The following CCDC171 variants were observed in gnomAD, a reference collection of about 807,000 sequenced individuals.
The protein encoded by CCDC171 is coiled-coil domain containing 171.
In CCDC171, 177 loss-of-function variants were observed where a neutral mutation model predicts 168.2. The ratio of observed to expected loss-of-function variants is 1.05; its 90% confidence interval spans 0.93 to 1.19. CCDC171 has a LOEUF of 1.19. CCDC171 is among the 50% of genes most tolerant of loss of function. CCDC171 has a pLI of 0.00. For missense variants in CCDC171, 1,991 were observed against 1,539.0 expected, an observed-to-expected ratio of 1.29 and a Z score of -4.91; for synonymous variants, 687 against 540.8, an observed-to-expected ratio of 1.27 and a Z score of -3.75.
Position 16,036,511 on chromosome 9 carries a change from G to A in CCDC171, n.1181+305G>A, listed in dbSNP as rs549069864. On this transcript the variant is annotated intron_variant and non_coding_transcript_variant, in intron 8 of 9. Coordinates refer to the CCDC171 transcript ENST00000486641. ...TACAAAAAATTAGCTGGGCGTGGTG[G>A]CAGGTGCCTGTAGTCCCAGCTACTC... 7.9e-5 allele frequency among the ~76,000 whole-genome samples: 12 copies of A among 152,348 alleles called. No individual in the cohort carries two copies. The South Asian group carries it at 2.3e-3, about 29-fold the overall frequency.
intron 24 of CCDC171, among the ~76,000 whole-genome samples, chr9:15,881,589 A>G (rs1231470526): frequency 6.6e-6 from 1 of 152,156 alleles, no homozygotes; most frequent in Non-Finnish European, 1.5e-5. Context: ...CACACCATAT[A>G]TTTGTACCCA....
intron 21 of CCDC171, among the ~76,000 whole-genome samples, chr9:15,798,071 A>G (rs985417945): frequency 6.6e-6 from 1 of 152,048 alleles, no homozygotes; most frequent in Non-Finnish European, 1.5e-5. Flanking sequence ...TGGAATTCAT[A>G]TTTTTAAGGT....
At chr9:15,641,184 A>G (rs2046575083) in intron 7 of CCDC171, among the ~76,000 whole-genome samples, 1 of 152,184 alleles carries the variant, frequency 6.6e-6, no homozygotes, top group African/African-American at 2.4e-5. Context: ...TTTTCTATTT[A>G]TACAAGTTAT....
At chr9:15,841,357 G>T (rs975431836) in intron 21 of CCDC171, among the ~76,000 whole-genome samples, 1 of 151,940 alleles carries the variant, frequency 6.6e-6, no homozygotes, top group African/African-American at 2.4e-5. Flanking sequence ...CTGTAATGAC[G>T]TTACATGTAG....
chr9:15,687,961 A>G (rs980288414), intron 10 of CCDC171, among the ~76,000 whole-genome samples: 16 of 152,090 alleles, frequency 1.1e-4, no homozygotes, highest in Admixed American at 1.0e-3. Context: ...TGTACTGAAA[A>G]TACAAAAATT....
rs546499255 is a variant in CCDC171 at position 15,749,674 on chromosome 9, T to A, written c.2671+4043T>A. ...GAACTCAGGATTAAGAAACTCACTC[T>A]AAACCGCTCAACTACATGGAAACTG... is the stretch of plus-strand genomic sequence containing the variant. On this transcript the variant is annotated intron_variant, in intron 18 of 25. Transcript: ENST00000380701. Among the ~76,000 whole-genome samples the A allele has an allele frequency of 3.2e-4, 48 of 152,210 alleles. 1 individual carries two copies. The South Asian group carries it at 6.8e-3, about 22-fold the overall frequency.
chr9:15,820,536 A>G lies in CCDC171; in HGVS notation c.3268-26166A>G. Reference sequence around the variant, plus strand: ...CACCGATCCCACAGAAATACAAACTACCATCAGAGACTGCTATAAACACCT... The same window carrying G: ...CACCGATCCCACAGAAATACAAACTGCCATCAGAGACTGCTATAAACACCT... On this transcript the variant is annotated intron_variant, in intron 21 of 25. Transcript: ENST00000380701. 1.7e-5 allele frequency among the ~76,000 whole-genome samples: 2 copies of G among 117,734 alleles called. 1 individual carries two copies. Among genetic ancestry groups the G allele is most frequent in the Admixed American group, 1.6e-4 (2 of 12,458 alleles). The allele number at this position is 117,734 out of a possible 152,430, so 77.2% of individuals were successfully genotyped here. A position where few individuals can be genotyped will look rare whatever the true frequency, so the allele number is the denominator to read the frequency against.
chr9:15,827,210 C>T (rs186533001), intron 21 of CCDC171, among the ~76,000 whole-genome samples: 86 of 152,226 alleles, frequency 5.6e-4, no homozygotes, highest in African/African-American at 2.0e-3. Flanking sequence ...TAAATACCTT[C>T]TTTTTTCTCC....
chr9:16,079,426 A>G, the CCDC171 span, among the ~76,000 whole-genome samples: 1 of 152,216 alleles, frequency 6.6e-6, no homozygotes, highest in African/African-American at 2.4e-5. Context: ...TAAAGGAGGG[A>G]AATGTGGAGA....
chr9:15,644,144 C>G (rs906715885), intron 7 of CCDC171, among the ~76,000 whole-genome samples: 6 of 152,288 alleles, frequency 3.9e-5, no homozygotes, highest in East Asian at 1.9e-4. Context: ...GAGCAGCTAC[C>G]AAGCTGTTTT....
chr9:15,606,232 T>C (rs2131745326), intron 6 of CCDC171, among the ~76,000 whole-genome samples: 1 of 152,352 alleles, frequency 6.6e-6, no homozygotes, highest in East Asian at 1.9e-4. Flanking sequence ...TAAGAGGGAA[T>C]ATTGTATTTC....
chr9:16,033,330 G>A (rs940014462), intron 6 of CCDC171, among the ~76,000 whole-genome samples: 2 of 152,162 alleles, frequency 1.3e-5, no homozygotes, highest in Non-Finnish European at 2.9e-5. Context: ...AGTGATGGAC[G>A]CTTCATCTGT....
At chr9:15,622,825 T>G (rs2044609521) in intron 6 of CCDC171, among the ~76,000 whole-genome samples, 1 of 152,208 alleles carries the variant, frequency 6.6e-6, no homozygotes, top group African/African-American at 2.4e-5. Context: ...GCTGTAAGCA[T>G]GTAATTTAAG....
chr9:15,605,109 C>T (rs2043124927), intron 6 of CCDC171, among the ~76,000 whole-genome samples: 1 of 151,968 alleles, frequency 6.6e-6, no homozygotes, highest in Admixed American at 6.6e-5. Flanking sequence ...GTTGCCTAGG[C>T]TGGTCTTGAA....
intron 4 of CCDC171, among the ~76,000 whole-genome samples, chr9:15,586,894 A>G (rs1372509853): frequency 6.6e-6 from 1 of 152,044 alleles, no homozygotes; most frequent in Non-Finnish European, 1.5e-5. Context: ...TGCAGCCTTG[A>G]ACTCCTGGGC....
intron 6 of CCDC171, among the ~76,000 whole-genome samples, chr9:15,595,318 G>A (rs993522259): frequency 6.6e-6 from 1 of 151,958 alleles, no homozygotes; most frequent in Non-Finnish European, 1.5e-5. Flanking sequence ...CCCACAACAG[G>A]CCCTGGTGTG....
At chr9:15,629,402 C>T (rs1407279673) in intron 7 of CCDC171, among the ~76,000 whole-genome samples, 3 of 152,082 alleles carry the variant, frequency 2.0e-5, no homozygotes, top group Non-Finnish European at 2.9e-5. Context: ...GGAGCCGATG[C>T]TATCAACTGG....
chr9:15,649,259 A>G (rs908643330), intron 7 of CCDC171, among the ~76,000 whole-genome samples: 1 of 152,244 alleles, frequency 6.6e-6, no homozygotes, highest in Non-Finnish European at 1.5e-5. Flanking sequence ...AAGATGAATT[A>G]AAGACTTAAA....
chr9:15,838,014 C>G (rs1362074259), intron 21 of CCDC171, among the ~76,000 whole-genome samples: 1 of 152,132 alleles, frequency 6.6e-6, no homozygotes, highest in Non-Finnish European at 1.5e-5. Flanking sequence ...TGTTAATCCT[C>G]TTTTTGGTGT....
Sources: allele counts gnomAD v4.1 joint callset (sites outside exome capture counted in the v4.1 genomes callset), GRCh38; gene constraint gnomAD v4.1.1; transcripts MANE v1.5; gene names NCBI Gene and HGNC (gene_info 2026-07-23, HGNC 2026-07-21).